The following ARSJ variants were observed in gnomAD, a reference collection of about 807,000 sequenced individuals.
ARSJ encodes the protein arylsulfatase J.
Under a neutral mutation model 35.9 loss-of-function variants are expected in ARSJ, and 26 were observed. That is an observed-to-expected ratio of 0.72 (90% confidence interval 0.53 to 1.00). The LOEUF is 1.00. ARSJ is among the 50% of genes least tolerant of loss of function. The pLI is 0.00. For synonymous variants in ARSJ, 294 were observed against 267.6 expected, an observed-to-expected ratio of 1.10 and a Z score of -0.96; for missense variants, 667 against 723.6, an observed-to-expected ratio of 0.92 and a Z score of 0.90.
In ARSJ at chr4:113,908,315, G is replaced by A. The variant is rs866558365; in HGVS notation, c.399-4640C>T. On this transcript the variant is annotated intron_variant, in intron 1 of 1. Coordinates refer to ENST00000315366, the MANE Select transcript of ARSJ (RefSeq NM_024590.4). ...TTGGTAGGAAATACTAAAGTATTGAGGGTGATGGGACATCACGTTGGCTCT... is the reference window on the plus strand; with the variant it reads ...TTGGTAGGAAATACTAAAGTATTGAAGGTGATGGGACATCACGTTGGCTCT... 5.9e-4 allele frequency among the ~76,000 whole-genome samples: 54 copies of A among 91,526 alleles called. 1 individual carries two copies. The South Asian group carries it at 9.4e-3, about 16-fold the overall frequency. 60.0% of individuals were successfully genotyped at this position (91,526 alleles called of 152,430 possible).
intron 1 of ARSJ, among the ~76,000 whole-genome samples, chr4:113,947,394 C>T (rs1245304729): frequency 6.6e-6 from 1 of 151,802 alleles, no homozygotes; most frequent in Non-Finnish European, 1.5e-5. Context: ...GCACGAGAAT[C>T]GTTTGAATTT....
At chr4:113,965,276 G>C (rs1044488099) in intron 1 of ARSJ, among the ~76,000 whole-genome samples, 1 of 152,040 alleles carries the variant, frequency 6.6e-6, no homozygotes, top group African/African-American at 2.4e-5. Flanking sequence ...TTTCTGGTTT[G>C]TAGAATAACT....
intron 1 of ARSJ, among the ~76,000 whole-genome samples, chr4:113,909,806 A>G (rs1296017886): frequency 6.6e-6 from 1 of 152,134 alleles, no homozygotes; most frequent in Non-Finnish European, 1.5e-5. Context: ...CTTCCTAACT[A>G]TAAGAATCCA....
rs1432624725 is a variant in ARSJ at position 113,978,566 on chromosome 4, T to G, written c.269A>C (p.Asp90Ala). ...AATCTCAGATCCGTGGTAACCCACA[T>G]CTCTAAATCCCTGATCATCCGCTAG... ...FILADDQGFRDVGYHGSEIKT... is the reference protein window; with the variant it reads ...FILADDQGFRAVGYHGSEIKT... Residue 90 changes from aspartate to alanine, a missense_variant, in exon 1 of 2, where the codon GAT becomes GCT. By Grantham distance (126) the Asp-to-Ala change is moderately radical. Coordinates refer to ENST00000315366, the MANE Select transcript of ARSJ (RefSeq NM_024590.4). 6.2e-7 allele frequency: 1 copy of G among 1,614,120 alleles called. No individual in the cohort carries two copies. The highest frequency in any genetic ancestry group is 1.3e-5 in the African/African-American group (1 of 74,948).
chr4:113,968,178 T>G (rs1727013608), intron 1 of ARSJ, among the ~76,000 whole-genome samples: 1 of 152,164 alleles, frequency 6.6e-6, no homozygotes, highest in Admixed American at 6.6e-5. Context: ...ATCATCCCCA[T>G]TTTCCCATGA....
chr4:113,955,736 C>T (rs1022355253), intron 1 of ARSJ, among the ~76,000 whole-genome samples: 1 of 152,014 alleles, frequency 6.6e-6, no homozygotes, highest in Admixed American at 6.6e-5. Context: ...TAGTTAAGAG[C>T]ACACAGCAAA....
chr4:113,967,736 T>C (rs1229225954), intron 1 of ARSJ, among the ~76,000 whole-genome samples: 2 of 152,168 alleles, frequency 1.3e-5, no homozygotes, highest in African/African-American at 2.4e-5. Context: ...CTCTATCAAA[T>C]ATGGCATCAT....
intron 1 of ARSJ, among the ~76,000 whole-genome samples, chr4:113,931,846 A>T (rs549152844): frequency 2.6e-5 from 4 of 152,202 alleles, no homozygotes; most frequent in Admixed American, 1.3e-4. Context: ...AATAAACCAA[A>T]ATGTAAACAC....
intron 1 of ARSJ, among the ~76,000 whole-genome samples, chr4:113,975,333 T>G (rs1437836433): frequency 2.6e-5 from 4 of 152,308 alleles, no homozygotes; most frequent in South Asian, 2.1e-4. Flanking sequence ...AGATACAAAT[T>G]CAATTCAGAT....
rs915617859 is a variant in ARSJ, at chr4:113,902,467, G to T, written c.1607C>A (p.Pro536His). ...FNKTAVPVRYPPKDPRSNPRL... is the reference protein window; with the variant it reads ...FNKTAVPVRYHPKDPRSNPRL... ...AGGGTTACTTCTGGGGTCTTTGGGG[G>T]GATACCTGACCGGCACTGCAGTTTT... The change falls in exon 2 of 2, where the codon CCC (proline) becomes CAC (histidine). Residue 536 changes from proline to histidine, a missense_variant. Physicochemically the swap from Pro to His is moderately conservative, Grantham distance 77 (BLOSUM62 -2). Coordinates refer to ENST00000315366, the MANE Select transcript of ARSJ (RefSeq NM_024590.4). 5.6e-6 allele frequency: 9 copies of T among 1,613,966 alleles called. No homozygotes were observed. The highest frequency in any genetic ancestry group is 7.6e-6 in the Non-Finnish European group (9 of 1,180,016).
At chr4:113,927,936 C>A (rs1343673239) in intron 1 of ARSJ, among the ~76,000 whole-genome samples, 4 of 152,120 alleles carry the variant, frequency 2.6e-5, no homozygotes, top group Non-Finnish European at 5.9e-5. Context: ...CCTTTCCCAC[C>A]ATAATAGCCC....
chr4:113,921,003 T>C (rs1723637747), intron 1 of ARSJ, among the ~76,000 whole-genome samples: 1 of 152,026 alleles, frequency 6.6e-6, no homozygotes, highest in Non-Finnish European at 1.5e-5. Flanking sequence ...ATAGCTGGAC[T>C]GTATAGGTGC....
chr4:113,907,981 T>A (rs1009402210), intron 1 of ARSJ, among the ~76,000 whole-genome samples: 2 of 151,990 alleles, frequency 1.3e-5, no homozygotes, highest in African/African-American at 4.8e-5. Context: ...AAACTACCCA[T>A]CGGGTAGTAT....
At chr4:113,911,927 C>A (rs1044904922) in intron 1 of ARSJ, among the ~76,000 whole-genome samples, 35 of 152,004 alleles carry the variant, frequency 2.3e-4, no homozygotes, top group African/African-American at 8.5e-4. Flanking sequence ...ATGCTGTATA[C>A]CTTAAATATA....
chr4:113,955,030 A>T (rs1726088184), intron 1 of ARSJ, among the ~76,000 whole-genome samples: 2 of 145,346 alleles, frequency 1.4e-5, no homozygotes, highest in South Asian at 2.1e-4. Context: ...AGCATATGTG[A>T]GCATACAGCA....
At chr4:113,920,369 C>T (rs1723592360) in intron 1 of ARSJ, among the ~76,000 whole-genome samples, 1 of 152,168 alleles carries the variant, frequency 6.6e-6, no homozygotes, top group Non-Finnish European at 1.5e-5. Context: ...CACTTTGCAA[C>T]ATCCCTATAC....
chr4:113,925,586 G>A (rs188328493), intron 1 of ARSJ, among the ~76,000 whole-genome samples: 149 of 152,172 alleles, frequency 9.8e-4, no homozygotes, highest in African/African-American at 3.3e-3. Context: ...TAGGGAACAG[G>A]GTAAAACCAG....
At chr4:113,904,562 G>T (rs1302893937) in intron 1 of ARSJ, among the ~76,000 whole-genome samples, 2 of 152,206 alleles carry the variant, frequency 1.3e-5, no homozygotes, top group African/African-American at 4.8e-5. Flanking sequence ...TAGGCTCACT[G>T]CAAGCTCCGC....
In ARSJ at chr4:113,902,892, CT is replaced by C; in HGVS notation, c.1181del (p.Glu394GlyfsTer5). On this transcript the variant is annotated frameshift_variant, in exon 2 of 2. Transcript: ENST00000315366. LOFTEE classifies it high-confidence loss of function. ...TATCATAGCCATCTAGTTGAATGTC[CT>C]CATCAATCTGTCCTTCAGCCAGTGA... ...LISLAEGQID[E>X]DIQLDGYDIW... is the part of the protein sequence containing the mutation. 1.2e-6 allele frequency: 2 copies of C among 1,614,178 alleles called. No homozygotes were observed. The highest frequency in any genetic ancestry group is 1.7e-6 in the Non-Finnish European group (2 of 1,180,024).
Sources: allele counts gnomAD v4.1 joint callset (sites outside exome capture counted in the v4.1 genomes callset), GRCh38; gene constraint gnomAD v4.1.1; transcripts MANE v1.5; gene names NCBI Gene and HGNC (gene_info 2026-07-23, HGNC 2026-07-21).